MYO3A: variants seen among roughly 807,000 people sequenced by gnomAD.
MYO3A encodes myosin-IIIa.
In MYO3A, 180 loss-of-function variants were observed where a neutral mutation model predicts 192.7. That is an observed-to-expected ratio of 0.93 (90% CI 0.83 to 1.06). The LOEUF is 1.06. MYO3A is among the 50% of genes least tolerant of loss of function. The probability of loss-of-function intolerance (pLI) is 0.00; values close to 1 mark genes in which losing one functional copy is unlikely to be tolerated. For missense variants in MYO3A, 1,896 were observed against 1,905.0 expected (o/e 1.00, Z 0.09); for synonymous variants, 628 against 645.3 (o/e 0.97, Z 0.41).
intron 30 of MYO3A, among the ~76,000 whole-genome samples, chr10:26,176,491 A>G (rs1564623146): frequency 1.3e-5 from 2 of 152,128 alleles, no homozygotes; most frequent in South Asian, 4.1e-4. Context: ...TTTTAAAGAA[A>G]AATGTGAGAT....
chr10:25,962,465 C>T (rs1005361470), intron 4 of MYO3A, among the ~76,000 whole-genome samples: 3 of 152,082 alleles, frequency 2.0e-5, no homozygotes, highest in African/African-American at 7.2e-5. Flanking sequence ...TTTTATAGAA[C>T]ATCTACGGGG....
intron 6 of MYO3A, among the ~76,000 whole-genome samples, chr10:26,008,309 G>A (rs1371868997): frequency 6.7e-6 from 1 of 148,208 alleles, no homozygotes; most frequent in Non-Finnish European, 1.5e-5. Flanking sequence ...TTACCATTCA[G>A]GACATAGGCA....
chr10:26,086,656 C>A (rs1393880286), intron 14 of MYO3A, among the ~76,000 whole-genome samples: 1 of 152,086 alleles, frequency 6.6e-6, no homozygotes, highest in Non-Finnish European at 1.5e-5. Flanking sequence ...CCCCAGGTGT[C>A]TGATCTCAGC....
chr10:26,208,150 GACA>G (rs1405867535), intron 34 of MYO3A, among the ~76,000 whole-genome samples: 4 of 152,098 alleles, frequency 2.6e-5, no homozygotes, highest in Admixed American at 6.6e-5. Flanking sequence ...AGGAAAAGAG[GACA>G]ACAAGAGGCT....
At chr10:26,086,594 C>T (rs1417475357) in intron 14 of MYO3A, among the ~76,000 whole-genome samples, 1 of 151,976 alleles carries the variant, frequency 6.6e-6, no homozygotes, top group Non-Finnish European at 1.5e-5. Context: ...GATTTGTGAC[C>T]CTTTCGGGAG....
At chr10:25,982,610 A>T (rs184040954) in intron 4 of MYO3A, among the ~76,000 whole-genome samples, 1 of 152,310 alleles carries the variant, frequency 6.6e-6, no homozygotes, top group African/African-American at 2.4e-5. Flanking sequence ...GATGGATCAC[A>T]TTACAGAACT....
intron 17 of MYO3A, among the ~76,000 whole-genome samples, chr10:26,100,641 A>C (rs989834372): frequency 1.3e-5 from 2 of 151,970 alleles, no homozygotes; most frequent in Non-Finnish European, 2.9e-5. Flanking sequence ...TTCTGCCTTC[A>C]TTTCGTTATG....
intron 34 of MYO3A, among the ~76,000 whole-genome samples, chr10:26,209,064 C>G (rs898405945): frequency 1.3e-5 from 2 of 152,170 alleles, no homozygotes; most frequent in African/African-American, 4.8e-5. Flanking sequence ...CTCCTCAAAC[C>G]CTCCAAACTT....
chr10:25,984,052 CA>C (rs1223472419), intron 4 of MYO3A, among the ~76,000 whole-genome samples: 2 of 152,148 alleles, frequency 1.3e-5, no homozygotes, highest in Non-Finnish European at 2.9e-5. Flanking sequence ...TCCAGACAAA[CA>C]AATACTGAGA....
At position 25,971,805 on chromosome 10, in the gene MYO3A, G is replaced by T. The variant is rs565279774; in HGVS notation, c.303+16797G>T. 5.9e-5 allele frequency among the ~76,000 whole-genome samples: 9 copies of T among 151,928 alleles called. No homozygotes were observed. In the South Asian group the frequency reaches 6.3e-4, roughly 11 times the overall value. ...ATAGGCTTTCAACCTTTTTACTATTGTGTGACTAGCTTGGACCTCTTTGCA... is the reference window on the plus strand; with the variant it reads ...ATAGGCTTTCAACCTTTTTACTATTTTGTGACTAGCTTGGACCTCTTTGCA... On this transcript the variant is annotated intron_variant, in intron 4 of 34. Coordinates refer to ENST00000642920, the MANE Select transcript of MYO3A (RefSeq NM_017433.5).
chr10:26,132,510 A>G (rs996392909), intron 20 of MYO3A, among the ~76,000 whole-genome samples: 1 of 152,176 alleles, frequency 6.6e-6, no homozygotes, highest in Non-Finnish European at 1.5e-5. Flanking sequence ...CACTGTTCTT[A>G]AGGGCCAGTG....
chr10:26,063,186 A>G (rs938596692), intron 10 of MYO3A, among the ~76,000 whole-genome samples: 2 of 152,234 alleles, frequency 1.3e-5, no homozygotes, highest in African/African-American at 4.8e-5. Flanking sequence ...GGCTGGATCT[A>G]GTAGTCAGTG....
intron 17 of MYO3A, among the ~76,000 whole-genome samples, chr10:26,103,791 A>G (rs950981059): frequency 1.1e-4 from 16 of 152,166 alleles, no homozygotes; most frequent in Non-Finnish European, 1.8e-4. Flanking sequence ...TCACTGCACC[A>G]TTTTACATTC....
At chr10:26,042,149 A>T (rs72793958) in intron 10 of MYO3A, among the ~76,000 whole-genome samples, 1 of 151,986 alleles carries the variant, frequency 6.6e-6, no homozygotes, top group Admixed American at 6.6e-5. Context: ...GCCACTCTCT[A>T]CTGGCCTGTA....
chr10:26,142,707 T>C (rs958200479), intron 20 of MYO3A, among the ~76,000 whole-genome samples: 1 of 152,166 alleles, frequency 6.6e-6, no homozygotes, highest in African/African-American at 2.4e-5. Flanking sequence ...TGGTTCTAAA[T>C]CCACTGGTTG....
chr10:26,067,800 A>G (rs1386610426), intron 11 of MYO3A, among the ~76,000 whole-genome samples: 1 of 152,160 alleles, frequency 6.6e-6, no homozygotes, highest in African/African-American at 2.4e-5. Context: ...TTTTTAGCAG[A>G]AGGTCAGGAC....
At chr10:25,984,640 G>A (rs113290102) in intron 4 of MYO3A, among the ~76,000 whole-genome samples, 3,932 of 151,996 alleles carry the variant, frequency 0.026, 68 homozygotes, top group Non-Finnish European at 0.038. Flanking sequence ...ACCACTCCAC[G>A]TGTGTCTGTG....
intron 10 of MYO3A, among the ~76,000 whole-genome samples, chr10:26,030,395 T>C (rs1475170920): frequency 6.6e-6 from 1 of 152,186 alleles, no homozygotes; most frequent in African/African-American, 2.4e-5. Context: ...GGAGTTGAAC[T>C]TGAATCTTTA....
chr10:26,049,564 C>T (rs1213691073), intron 10 of MYO3A, among the ~76,000 whole-genome samples: 1 of 151,800 alleles, frequency 6.6e-6, no homozygotes, highest in Non-Finnish European at 1.5e-5. Context: ...AGCAAGTGCA[C>T]AGCAGAAAAG....
Sources: gnomAD v4.1 joint callset for allele counts (sites outside exome capture counted in the v4.1 genomes callset) on GRCh38, gnomAD v4.1.1 for gene constraint, MANE v1.5 for transcripts, NCBI Gene and HGNC (gene_info 2026-07-23, HGNC 2026-07-21) for gene names.